Variants in CDK15 observed in about 807,000 individuals in gnomAD.
The protein encoded by CDK15 is cyclin-dependent kinase 15.
Under a neutral mutation model 60.3 loss-of-function variants are expected in CDK15, and 62 were observed. The observed-to-expected ratio is 1.03, with a 90% CI of 0.84 to 1.27. The LOEUF (loss-of-function observed/expected upper bound fraction) is 1.27, where lower values mean the gene tolerates loss of function less well. CDK15 is among the 50% of genes most tolerant of loss of function. CDK15 has a pLI of 0.00. For synonymous variants in CDK15, 194 were observed against 195.7 expected (o/e 0.99, Z 0.07); for missense variants, 541 against 527.8 (o/e 1.03, Z -0.25).
At position 201,835,677 on chromosome 2, in the gene CDK15, A is replaced by T; in HGVS notation, c.765A>T (p.Thr255=). 6.2e-7 allele frequency: 1 copy of T among 1,610,600 alleles called. No homozygotes were observed. Among genetic ancestry groups the T allele is most frequent in the Non-Finnish European group, 8.5e-7 (1 of 1,177,882 alleles). Residue 255 remains threonine, a synonymous_variant, in exon 8 of 14, where the codon ACA becomes ACT. Transcript: ENST00000652192. ...GGGCCAAGTCCATTCCCAGCCAGAC[A>T]TACTCTTCAGAAGTCGTGACCCTCT... ...LARAKSIPSQ[T]YSSEVVTLWY...
At chr2:201,861,019 G>C in intron 10 of CDK15, 1 of 1,166,766 alleles carries the variant, frequency 8.6e-7, no homozygotes, top group Admixed American at 3.6e-5. Flanking sequence ...GCATCAGCTT[G>C]GTTGTATGAG....
At chr2:201,833,713 CTTCTTT>C (rs1696865320) in intron 6 of CDK15, 129 bp from the exon 7 acceptor site, 2,439 of 445,762 alleles carry the variant, frequency 5.5e-3, no homozygotes, top group Non-Finnish European at 6.5e-3. Context: ...TCTTCTTCTT[CTTCTTT>C]TTTTTTTTTT....
In CDK15 at chr2:201,807,883, C is replaced by G. The variant is rs780051899; in HGVS notation, c.299C>G (p.Ala100Gly). 6.2e-7 allele frequency: 1 copy of G among 1,614,022 alleles called. No individual in the cohort carries two copies. The highest frequency in any genetic ancestry group is 8.5e-7 in the Non-Finnish European group (1 of 1,180,012). Reference sequence around the variant, plus strand: ...AGGAAGAGCCTCCCTTTTGGGGCAGCCTCATCTTACTTGAACTTGGAGAAG... The same window carrying G: ...AGGAAGAGCCTCCCTTTTGGGGCAGGCTCATCTTACTTGAACTTGGAGAAG... ...QWRKSLPFGA[A>G]SSYLNLEKLG... is the part of the protein sequence containing the mutation. Residue 100 changes from alanine to glycine, a missense_variant, in exon 3 of 14, where the codon GCC (alanine) becomes GGC (glycine). Coordinates refer to ENST00000652192, the MANE Select transcript of CDK15 (RefSeq NM_001366386.2).
intron 12 of CDK15, among the ~76,000 whole-genome samples, chr2:201,890,402 G>A (rs887964234): frequency 2.0e-5 from 3 of 152,134 alleles, no homozygotes; most frequent in South Asian, 2.1e-4. Context: ...AGTCTCAAAG[G>A]GCACCTTGTC....
At chr2:201,840,393 C>T (rs776684446) in intron 8 of CDK15, among the ~76,000 whole-genome samples, 18 of 152,112 alleles carry the variant, frequency 1.2e-4, no homozygotes, top group Non-Finnish European at 2.6e-4. Context: ...AACTCATTCA[C>T]TATATTGTTG....
At chr2:201,844,773 C>T (rs1424628731) in intron 8 of CDK15, among the ~76,000 whole-genome samples, 1 of 151,620 alleles carries the variant, frequency 6.6e-6, no homozygotes, top group African/African-American at 2.4e-5. Context: ...CTGGGCAACA[C>T]AGTGAGATCC....
At chr2:201,871,066 C>G (rs766995053) in intron 10 of CDK15, among the ~76,000 whole-genome samples, 1 of 152,130 alleles carries the variant, frequency 6.6e-6, no homozygotes, top group South Asian at 2.1e-4. Context: ...TTATTATCAC[C>G]TATTTTGGAA....
At chr2:201,872,434 T>C in intron 11 of CDK15, 108 bp downstream of exon 11, 3 of 1,169,300 alleles carry the variant, frequency 2.6e-6, no homozygotes, top group Non-Finnish European at 3.8e-6. Flanking sequence ...CACTTCCATG[T>C]GGGGGCTCTA....
At position 201,806,716 on chromosome 2, in the gene CDK15, C is replaced by T. The variant is rs772499604; in HGVS notation, c.52C>T (p.His18Tyr). The T allele has an allele frequency of 2.5e-6, 4 of 1,598,236 alleles. No homozygotes were observed. Among genetic ancestry groups the T allele is most frequent in the Non-Finnish European group, 3.4e-6 (4 of 1,179,678 alleles). ...TGTACAGCCTGGATGCAGCTGCTACCATTGTTCAGAGGGAGGCGAGGCACA... is the reference window on the plus strand; with the variant it reads ...TGTACAGCCTGGATGCAGCTGCTACTATTGTTCAGAGGGAGGCGAGGCACA... ...KTVQPGCSCY[H>Y]CSEGGEAHSC... Residue 18 changes from histidine (H) to tyrosine (Y), a missense_variant, in exon 1 of 14, where the codon CAT becomes TAT. Coordinates refer to ENST00000652192, the MANE Select transcript of CDK15 (RefSeq NM_001366386.2).
intron 12 of CDK15, among the ~76,000 whole-genome samples, chr2:201,881,924 T>C (rs949200416): frequency 5.9e-5 from 9 of 152,026 alleles, no homozygotes; most frequent in Non-Finnish European, 1.3e-4. Flanking sequence ...CACTCCCTTC[T>C]CTCCACTTAA....
chr2:201,855,076 C>A, intron 10 of CDK15, 139 bp downstream of exon 10: 1 of 696,476 alleles, frequency 1.4e-6, no homozygotes, highest in East Asian at 2.7e-5. Context: ...CATATATTCC[C>A]TGACTAATCT....
intron 1 of CDK15, 61 bp downstream of exon 1, chr2:201,806,848 C>T: frequency 6.4e-7 from 1 of 1,562,778 alleles, no homozygotes; most frequent in South Asian, 1.1e-5. Flanking sequence ...TTCAGACACT[C>T]CCTTTTTGTA....
intron 5 of CDK15, 145 bp downstream of exon 5, chr2:201,823,048 C>T (rs181959406): frequency 3.0e-5 from 18 of 599,310 alleles, no homozygotes; most frequent in East Asian, 2.3e-4. Flanking sequence ...ATTAGTAGAA[C>T]CTTATTGTTC....
intron 8 of CDK15, among the ~76,000 whole-genome samples, chr2:201,841,053 C>G (rs1338643050): frequency 2.0e-5 from 3 of 152,164 alleles, no homozygotes; most frequent in Non-Finnish European, 4.4e-5. Flanking sequence ...TTTTCCATTT[C>G]CTTAACTTTC....
intron 3 of CDK15, among the ~76,000 whole-genome samples, chr2:201,811,534 CTAACAA>C (rs1479108835): frequency 2.6e-5 from 4 of 152,174 alleles, no homozygotes; most frequent in African/African-American, 7.2e-5. Context: ...AAAAAGGTTA[CTAACAA>C]TATGATTTTA....
At chr2:201,874,166 T>G (rs1163608335) in intron 11 of CDK15, among the ~76,000 whole-genome samples, 1 of 152,172 alleles carries the variant, frequency 6.6e-6, no homozygotes, top group East Asian at 1.9e-4. Context: ...ATTTAACTTC[T>G]TAATTTACTT....
rs1195549904 is a variant in CDK15, at chr2:201,882,566, C to T, written c.1198+2399C>T. ...ACAAGCATTTCCTGCAGCGACATCT[C>T]GAATCCCCGAGGGAGAAGATGAAAG... On this transcript the variant is annotated intron_variant, in intron 12 of 13. Coordinates refer to ENST00000652192, the MANE Select transcript of CDK15 (RefSeq NM_001366386.2). The surrounding 1 kb of genome is among the most constrained non-coding windows in gnomAD (Gnocchi z 4.0). Among the ~76,000 whole-genome samples, 2 of 151,900 alleles carry T rather than the reference C, an allele frequency of 1.3e-5. No individual in the cohort carries two copies. Among genetic ancestry groups the T allele is most frequent in the Non-Finnish European group, 2.9e-5 (2 of 67,980 alleles).
chr2:201,848,741 G>C (rs1331833764), intron 9 of CDK15, among the ~76,000 whole-genome samples: 1 of 152,058 alleles, frequency 6.6e-6, no homozygotes, highest in Non-Finnish European at 1.5e-5. Context: ...AAATCGGCGG[G>C]GTGCAGGGGG....
At chr2:201,874,053 CAAAAAAAA>C (rs61612545) in intron 11 of CDK15, among the ~76,000 whole-genome samples, 24 of 114,010 alleles carry the variant, frequency 2.1e-4, no homozygotes, top group African/African-American at 9.1e-4. Flanking sequence ...GACTCCGTCT[CAAAAAAAA>C]AAAAAAAAAA....
Sources: gnomAD v4.1 joint callset for allele counts (sites outside exome capture counted in the v4.1 genomes callset) on GRCh38, gnomAD v4.1.1 for gene constraint, Gnocchi (gnomAD v3.1) non-coding constraint, MANE v1.5 for transcripts, NCBI Gene and HGNC (gene_info 2026-07-23, HGNC 2026-07-21) for gene names.